Variants in FER1L6 observed in about 807,000 individuals in gnomAD.
The protein encoded by FER1L6 is fer-1 like family member 6.
In FER1L6, 177 loss-of-function variants were observed where a neutral mutation model predicts 219.2. That is an observed-to-expected ratio of 0.81 (90% CI 0.71 to 0.91). The LOEUF (loss-of-function observed/expected upper bound fraction) is 0.91, where lower values mean the gene tolerates loss of function less well. FER1L6 is among the 40% of genes least tolerant of loss of function. The pLI is 0.00. For synonymous variants in FER1L6, 768 were observed against 824.3 expected (o/e 0.93, Z 1.17); for missense variants, 2,153 against 2,259.9 (o/e 0.95, Z 0.96).
At chr8:123,866,310 A>T (rs1816837286) in intron 1 of FER1L6, among the ~76,000 whole-genome samples, 1 of 151,500 alleles carries the variant, frequency 6.6e-6, no homozygotes, top group Non-Finnish European at 1.5e-5. Flanking sequence ...TCATGTGTAT[A>T]TATATTTTAT....
At chr8:123,879,608 A>G (rs1369067298) in intron 1 of FER1L6, among the ~76,000 whole-genome samples, 1 of 152,080 alleles carries the variant, frequency 6.6e-6, no homozygotes, top group Non-Finnish European at 1.5e-5. Flanking sequence ...TACAGGCATG[A>G]ACCACCGTGC....
At chr8:124,050,221 TTGAC>T (rs1186788771) in intron 22 of FER1L6, among the ~76,000 whole-genome samples, 1 of 152,184 alleles carries the variant, frequency 6.6e-6, no homozygotes, top group Non-Finnish European at 1.5e-5. Context: ...ATTAAAGTGA[TTGAC>T]TGACTTATCA....
chr8:124,075,945 T>C (rs866688458), intron 31 of FER1L6, among the ~76,000 whole-genome samples: 5 of 152,164 alleles, frequency 3.3e-5, no homozygotes, highest in Middle Eastern at 3.2e-3. Flanking sequence ...CCAGAGAAAG[T>C]TGCACTTGGG....
chr8:123,962,159 G>A (rs1815318802), intron 2 of FER1L6, among the ~76,000 whole-genome samples: 1 of 152,128 alleles, frequency 6.6e-6, no homozygotes, highest in South Asian at 2.1e-4. Context: ...AAAGTGCTGG[G>A]ATTACAGGCA....
intron 1 of FER1L6, among the ~76,000 whole-genome samples, chr8:123,903,204 G>A (rs1812890530): frequency 6.6e-6 from 1 of 152,064 alleles, no homozygotes; most frequent in South Asian, 2.1e-4. Context: ...AGATAACTTT[G>A]CTACAAAATA....
chr8:123,913,539 C>A (rs1813102043), intron 1 of FER1L6, among the ~76,000 whole-genome samples: 1 of 152,040 alleles, frequency 6.6e-6, no homozygotes, highest in African/African-American at 2.4e-5. Flanking sequence ...TGTTTATTAG[C>A]CATGTGATTT....
chr8:123,992,404 G>A (rs1395160348), intron 12 of FER1L6, among the ~76,000 whole-genome samples: 2 of 151,948 alleles, frequency 1.3e-5, no homozygotes, highest in Non-Finnish European at 2.9e-5. Flanking sequence ...TCTCTTCAGG[G>A]TTTCTATTTC....
chr8:123,946,782 A>G (rs1321037382), intron 1 of FER1L6, among the ~76,000 whole-genome samples: 1 of 152,030 alleles, frequency 6.6e-6, no homozygotes, highest in East Asian at 1.9e-4. Flanking sequence ...AATCTCTCCC[A>G]ATTCAAACAA....
intron 22 of FER1L6, among the ~76,000 whole-genome samples, chr8:124,052,048 C>A (rs1376416438): frequency 6.6e-6 from 1 of 152,160 alleles, no homozygotes. Flanking sequence ...CTAGAAAAAT[C>A]TTTGTCTTAC....
Position 124,035,352 on chromosome 8 carries a change from C to A in FER1L6, c.2362C>A (p.His788Asn), listed in dbSNP as rs754561031. The A allele has an allele frequency of 6.2e-7, 1 of 1,614,128 alleles. No homozygotes were observed. Among genetic ancestry groups the A allele is most frequent in the Non-Finnish European group, 8.5e-7 (1 of 1,179,994 alleles). ...DVYLWLGSIK[H>N]ASAILDNLPV... ...GTACCTGTGGCTGGGCTCCATCAAG[C>A]ATGCCAGTGCCATTTTGGACAACTT... The change falls in exon 19 of 41, where the codon CAT becomes AAT. Residue 788 changes from histidine to asparagine, a missense_variant. Physicochemically the swap from His to Asn is moderately conservative, Grantham distance 68. Coordinates refer to ENST00000522917, the MANE Select transcript of FER1L6 (RefSeq NM_001039112.2).
intron 1 of FER1L6, among the ~76,000 whole-genome samples, chr8:123,903,677 A>G (rs1041601528): frequency 1.3e-5 from 2 of 152,168 alleles, no homozygotes; most frequent in African/African-American, 2.4e-5. Context: ...AATCAGCACA[A>G]TGTCAGGCAT....
chr8:123,989,756 T>C (rs2130402373), intron 12 of FER1L6, among the ~76,000 whole-genome samples: 1 of 152,368 alleles, frequency 6.6e-6, no homozygotes, highest in South Asian at 2.1e-4. Context: ...TTCTTTTTTA[T>C]GGCTAAGTAG....
chr8:123,898,985 G>A (rs956485365), intron 1 of FER1L6, among the ~76,000 whole-genome samples: 1 of 151,520 alleles, frequency 6.6e-6, no homozygotes, highest in African/African-American at 2.4e-5. Context: ...AGTATCTTTT[G>A]CGTATAATGA....
At chr8:124,073,370 AT>A (rs1800895310) in intron 31 of FER1L6, among the ~76,000 whole-genome samples, 1 of 152,222 alleles carries the variant, frequency 6.6e-6, no homozygotes, top group South Asian at 2.1e-4. Context: ...GAGTCAGAAG[AT>A]GGCAGTCCTA....
At chr8:123,967,483 G>A (rs1287553860) in intron 5 of FER1L6, among the ~76,000 whole-genome samples, 1 of 152,068 alleles carries the variant, frequency 6.6e-6, no homozygotes, top group African/African-American at 2.4e-5. Flanking sequence ...TTAACCTTTT[G>A]CTACTACTTA....
intron 15 of FER1L6, among the ~76,000 whole-genome samples, chr8:124,015,066 C>T (rs888947939): frequency 6.6e-6 from 1 of 152,192 alleles, no homozygotes; most frequent in Non-Finnish European, 1.5e-5. Context: ...CCACGTGAGC[C>T]TCTCTAAGCT....
In FER1L6 at chr8:124,101,161, G is replaced by A; in HGVS notation, c.4948G>A (p.Glu1650Lys). 5 of 1,613,910 alleles carry A rather than the reference G, an allele frequency of 3.1e-6. No individual in the cohort carries two copies. Among genetic ancestry groups the A allele is most frequent in the Non-Finnish European group, 4.2e-6 (5 of 1,179,956 alleles). ...TDVHYNSLTG[E>K]GNFNWRFLFP... ...TGTGCATTACAACTCCCTGACTGGA[G>A]AGGGCAACTTCAACTGGCGCTTCCT... is the stretch of plus-strand genomic sequence containing the variant. Residue 1650 changes from glutamate to lysine, a missense_variant, in exon 38 of 41, where the codon GAG becomes AAG. Transcript: ENST00000522917.
At chr8:124,008,118 C>G (rs1391130598) in intron 13 of FER1L6, among the ~76,000 whole-genome samples, 1 of 152,124 alleles carries the variant, frequency 6.6e-6, no homozygotes, top group Non-Finnish European at 1.5e-5. Context: ...TCCGAGTCCC[C>G]AAAGTCCACT....
chr8:123,859,422 C>A (rs114522497), intron 1 of FER1L6, among the ~76,000 whole-genome samples: 2,181 of 152,220 alleles, frequency 0.014, 57 homozygotes, highest in African/African-American at 0.05. Context: ...TGTTAAAAAT[C>A]TATCTTAGCA....
Sources: gnomAD v4.1 joint callset for allele counts (sites outside exome capture counted in the v4.1 genomes callset) on GRCh38, gnomAD v4.1.1 for gene constraint, MANE v1.5 for transcripts, NCBI Gene and HGNC (gene_info 2026-07-23, HGNC 2026-07-21) for gene names.